Variants in PLEKHA5 observed in about 807,000 individuals in gnomAD.
PLEKHA5 encodes the protein pleckstrin homology domain containing A5.
PLEKHA5 carries 55 observed loss-of-function variants against 181.9 expected under a neutral mutation model. That is an observed-to-expected ratio of 0.30 (90% CI 0.24 to 0.38). The LOEUF (loss-of-function observed/expected upper bound fraction) is 0.38, where lower values mean the gene tolerates loss of function less well. PLEKHA5 is among the 10% of genes least tolerant of loss of function. The pLI is 1.00. For synonymous variants in PLEKHA5, 535 were observed against 529.4 expected, an observed-to-expected ratio of 1.01 and a Z score of -0.15; for missense variants, 1,432 against 1,549.5, an observed-to-expected ratio of 0.92 and a Z score of 1.27.
At position 19,178,466 on chromosome 12, in the gene PLEKHA5, C is replaced by T. The variant is rs377127473; in HGVS notation, c.227+46016C>T. 1.7e-3 allele frequency among the ~76,000 whole-genome samples: 259 copies of T among 152,234 alleles called. 2 individuals carry two copies. Among genetic ancestry groups the T allele is most frequent in the African/African-American group, 5.7e-3 (236 of 41,538 alleles). On this transcript the variant is annotated intron_variant, in intron 3 of 31. Coordinates refer to ENST00000429027, the MANE Select transcript of PLEKHA5 (RefSeq NM_001256470.2). ...AGCATTGCAGCTACACGAAGTGGAG[C>T]GTGCAGTTTTCCAAGTAGGTAGTTA...
intron 3 of PLEKHA5, among the ~76,000 whole-genome samples, chr12:19,175,266 C>A (rs1820421794): frequency 6.6e-6 from 1 of 152,068 alleles, no homozygotes; most frequent in Non-Finnish European, 1.5e-5. Context: ...ATTTATCCTG[C>A]AAATTTAATA....
At chr12:19,226,457 T>A (rs1317826843) in intron 3 of PLEKHA5, among the ~76,000 whole-genome samples, 1 of 152,326 alleles carries the variant, frequency 6.6e-6, no homozygotes, top group South Asian at 2.1e-4. Context: ...TATATATACC[T>A]GGGAGTTGAA....
At chr12:19,183,857 G>A (rs1397758509) in intron 3 of PLEKHA5, among the ~76,000 whole-genome samples, 1 of 152,092 alleles carries the variant, frequency 6.6e-6, no homozygotes. Flanking sequence ...GGGACTACAG[G>A]TGTGCACCAC....
chr12:19,167,885 A>G (rs2044891879), intron 3 of PLEKHA5, among the ~76,000 whole-genome samples: 1 of 152,120 alleles, frequency 6.6e-6, no homozygotes, highest in Admixed American at 6.5e-5. Flanking sequence ...GGAGGTTTTC[A>G]TAGTTCCCTC....
intron 15 of PLEKHA5, among the ~76,000 whole-genome samples, chr12:19,310,707 C>G (rs2086180267): frequency 6.6e-6 from 1 of 151,978 alleles, no homozygotes; most frequent in South Asian, 2.1e-4. Context: ...GCTTTGAGCT[C>G]AGAACTTCAA....
chr12:19,229,009 G>T (rs1330485594), intron 3 of PLEKHA5, among the ~76,000 whole-genome samples: 1 of 152,090 alleles, frequency 6.6e-6, no homozygotes, highest in Non-Finnish European at 1.5e-5. Context: ...TGTTGACAAA[G>T]GAATTTATAC....
intron 20 of PLEKHA5, among the ~76,000 whole-genome samples, chr12:19,330,862 T>G (rs1482839453): frequency 6.6e-6 from 1 of 152,166 alleles, no homozygotes; most frequent in Non-Finnish European, 1.5e-5. Flanking sequence ...GATATAGTGG[T>G]GGGCATTAAT....
intron 7 of PLEKHA5, among the ~76,000 whole-genome samples, chr12:19,263,521 A>G (rs2069242554): frequency 6.6e-6 from 1 of 152,198 alleles, no homozygotes; most frequent in Non-Finnish European, 1.5e-5. Context: ...CTACTGACAT[A>G]AAAAGTGTGT....
chr12:19,283,946 T>C (rs1031334262), intron 12 of PLEKHA5, among the ~76,000 whole-genome samples: 3 of 152,198 alleles, frequency 2.0e-5, no homozygotes, highest in African/African-American at 7.2e-5. Context: ...CAACACTTCA[T>C]CTCTCAGGAA....
At chr12:19,188,613 A>T (rs753016681) in intron 3 of PLEKHA5, among the ~76,000 whole-genome samples, 7 of 152,224 alleles carry the variant, frequency 4.6e-5, no homozygotes, top group Non-Finnish European at 8.8e-5. Context: ...TTTCAACGGA[A>T]TAACTGTATC....
chr12:19,285,590 G>A (rs2077047611), intron 12 of PLEKHA5, among the ~76,000 whole-genome samples: 4 of 152,130 alleles, frequency 2.6e-5, no homozygotes, highest in Admixed American at 2.6e-4. Flanking sequence ...GTTCCTATTT[G>A]CTCTAGTAGT....
Position 19,348,446 on chromosome 12 carries a change from G to A in PLEKHA5, c.2946G>A (p.Val982=). 6.3e-7 allele frequency: 1 copy of A among 1,581,626 alleles called. No homozygotes were observed. ...LYKSEPELTT[V]AEVDESNGEE... ...AGAGTGAACCAGAGTTAACAACAGT[G>A]GCAGAAGTTGATGAATCTAATGGAG... Residue 982 remains valine (V), a synonymous_variant, in exon 25 of 32, where the codon GTG becomes GTA. Coordinates refer to ENST00000429027, the MANE Select transcript of PLEKHA5 (RefSeq NM_001256470.2).
chr12:19,274,465 A>C (rs1474564013), intron 10 of PLEKHA5, 51 bp from the exon 11 acceptor site: 5 of 1,261,134 alleles, frequency 4.0e-6, no homozygotes, highest in Non-Finnish European at 5.6e-6. Context: ...CCCAGAAGTA[A>C]TATGTACATT....
chr12:19,166,389 G>T (rs1469107317), intron 3 of PLEKHA5, among the ~76,000 whole-genome samples: 1 of 152,150 alleles, frequency 6.6e-6, no homozygotes, highest in African/African-American at 2.4e-5. Flanking sequence ...AAAGATAACA[G>T]TGTTACCTCG....
chr12:19,216,241 A>C (rs981899481), intron 3 of PLEKHA5, among the ~76,000 whole-genome samples: 3 of 152,214 alleles, frequency 2.0e-5, no homozygotes, highest in Non-Finnish European at 2.9e-5. Context: ...TTTGCAGCTA[A>C]ATAGGCAGGC....
At chr12:19,295,778 C>G (rs572490887) in intron 15 of PLEKHA5, among the ~76,000 whole-genome samples, 1 of 152,112 alleles carries the variant, frequency 6.6e-6, no homozygotes, top group Admixed American at 6.5e-5. Flanking sequence ...TGTTTTGGCT[C>G]CTGTACCCTA....
At position 19,265,769 on chromosome 12, in the gene PLEKHA5, C is replaced by T. The variant is rs1249882913; in HGVS notation, c.630C>T (p.Ile210=). 1 of 1,577,692 alleles carries T rather than the reference C, an allele frequency of 6.3e-7. No individual in the cohort carries two copies. The highest frequency in any genetic ancestry group is 8.7e-7 in the Non-Finnish European group (1 of 1,149,082). The change falls in exon 8 of 32, where the codon ATC becomes ATT. Residue 210 remains isoleucine, a synonymous_variant. Transcript: ENST00000429027. ...FYYRDEKEEG[I]LGSILLPSFQ... is the part of the protein sequence containing the mutation. ...TCTTAGATGAGAAAGAAGAGGGTAT[C>T]CTGGGAAGCATACTGTTACCTAGTT...
intron 3 of PLEKHA5, among the ~76,000 whole-genome samples, chr12:19,187,630 C>A (rs906571293): frequency 2.6e-5 from 4 of 152,108 alleles, no homozygotes; most frequent in African/African-American, 9.7e-5. Context: ...TCTGCAATAT[C>A]CTACTGGATA....
chr12:19,369,588 T>C, intron 30 of PLEKHA5, 105 bp from the exon 31 acceptor site: 1 of 628,482 alleles, frequency 1.6e-6, no homozygotes, highest in East Asian at 2.8e-5. Context: ...ATTACTTCCT[T>C]CTCAAAACAT....
Sources: allele counts gnomAD v4.1 joint callset (sites outside exome capture counted in the v4.1 genomes callset), GRCh38; gene constraint gnomAD v4.1.1; transcripts MANE v1.5; gene names NCBI Gene and HGNC (gene_info 2026-07-23, HGNC 2026-07-21).